The following NAALAD2 variants were observed in gnomAD, a reference collection of about 807,000 sequenced individuals.
NAALAD2 encodes N-acetylated-alpha-linked acidic dipeptidase 2.
In NAALAD2, 89 loss-of-function variants were observed where a neutral mutation model predicts 95.6. The observed-to-expected ratio is 0.93, with a 90% confidence interval of 0.78 to 1.11. The LOEUF (loss-of-function observed/expected upper bound fraction) is 1.11, where lower values mean the gene tolerates loss of function less well. Ranked by LOEUF, NAALAD2 falls within the 50% of genes least tolerant of loss-of-function variation. NAALAD2 has a pLI of 0.00. For missense variants in NAALAD2, 894 were observed against 872.4 expected (o/e 1.02, Z -0.31); for synonymous variants, 264 against 294.4 (o/e 0.90, Z 1.06).
intron 18 of NAALAD2, among the ~76,000 whole-genome samples, chr11:90,188,516 A>G (rs1292211647): frequency 6.6e-6 from 1 of 152,264 alleles, no homozygotes; most frequent in East Asian, 1.9e-4. Context: ...AACCAATTCA[A>G]TGTTTTATGA....
intron 6 of NAALAD2, among the ~76,000 whole-genome samples, chr11:90,154,224 C>G (rs1165803977): frequency 6.6e-6 from 1 of 151,824 alleles, no homozygotes; most frequent in Non-Finnish European, 1.5e-5. Context: ...CTTTTTATTT[C>G]TGTTCCAACA....
intron 18 of NAALAD2, among the ~76,000 whole-genome samples, chr11:90,185,372 C>T (rs1857105489): frequency 6.6e-6 from 1 of 151,364 alleles, no homozygotes; most frequent in Non-Finnish European, 1.5e-5. Flanking sequence ...TATTTTTTTC[C>T]TTAAGAATGT....
chr11:90,187,032 CAAAAG>C (rs1857166677), intron 18 of NAALAD2, among the ~76,000 whole-genome samples: 1 of 151,918 alleles, frequency 6.6e-6, no homozygotes, highest in Non-Finnish European at 1.5e-5. Flanking sequence ...AGACACTTCT[CAAAAG>C]AAGACATTTA....
At chr11:90,160,781 C>T (rs1952271173) in intron 8 of NAALAD2, among the ~76,000 whole-genome samples, 1 of 152,100 alleles carries the variant, frequency 6.6e-6, no homozygotes, top group Admixed American at 6.5e-5. Flanking sequence ...CATAAACATT[C>T]CTAGGTCTAG....
chr11:90,190,909 G>C (rs1857303099), intron 18 of NAALAD2, among the ~76,000 whole-genome samples: 1 of 152,054 alleles, frequency 6.6e-6, no homozygotes, highest in South Asian at 2.1e-4. Flanking sequence ...TTTCTGGAAA[G>C]CAAAATTCTA....
At chr11:90,163,826 C>T in intron 11 of NAALAD2, 2 of 478,010 alleles carry the variant, frequency 4.2e-6, no homozygotes, top group Non-Finnish European at 7.3e-6. Context: ...AGAGTTATTG[C>T]CTCTTGTCAA....
chr11:90,154,838 GTATATACGTATACA>G (rs1951991339), intron 6 of NAALAD2, among the ~76,000 whole-genome samples: 1 of 122,730 alleles, frequency 8.1e-6, no homozygotes, highest in African/African-American at 3.0e-5. Context: ...ATGTTACATA[GTATATACGTATACA>G]TAATATGTAT....
chr11:90,163,825 G>A, intron 11 of NAALAD2: 1 of 485,174 alleles, frequency 2.1e-6, no homozygotes, highest in Non-Finnish European at 3.6e-6. Context: ...CAGAGTTATT[G>A]CCTCTTGTCA....
At chr11:90,153,475 T>C (rs1427659650) in intron 6 of NAALAD2, among the ~76,000 whole-genome samples, 1 of 152,126 alleles carries the variant, frequency 6.6e-6, no homozygotes. Flanking sequence ...AATTCTACAT[T>C]CTAACAGATG....
At chr11:90,183,207 G>A (rs995660955) in intron 18 of NAALAD2, among the ~76,000 whole-genome samples, 199 bp downstream of exon 18, 2 of 152,030 alleles carry the variant, frequency 1.3e-5, no homozygotes, top group Admixed American at 6.6e-5. Flanking sequence ...TTGCTGTGAG[G>A]GAAAATGGTA....
chr11:90,186,073 T>A (rs954409109), intron 18 of NAALAD2, among the ~76,000 whole-genome samples: 1 of 152,000 alleles, frequency 6.6e-6, no homozygotes, highest in African/African-American at 2.4e-5. Context: ...CATGTGCACA[T>A]TGTGCAGGTT....
chr11:90,158,177 G>A lies in NAALAD2; in HGVS notation c.829G>A (p.Val277Met). 1 of 1,610,026 alleles carries A rather than the reference G, an allele frequency of 6.2e-7. No homozygotes were observed. The highest frequency in any genetic ancestry group is 8.5e-7 in the Non-Finnish European group (1 of 1,177,704). Residue 277 changes from valine (V) to methionine (M), a missense_variant, in exon 7 of 19, where the codon GTG (valine) becomes ATG (methionine). Coordinates refer to ENST00000534061, the MANE Select transcript of NAALAD2 (RefSeq NM_005467.4). ...TTTCAGACTTGATGTTGAAGAAGGA[G>A]TGGGAATCCCCCGAATACCTGTACA... is the stretch of plus-strand genomic sequence containing the variant. ...YTFRLDVEEG[V>M]GIPRIPVHPI...
intron 13 of NAALAD2, among the ~76,000 whole-genome samples, chr11:90,173,179 A>G (rs1293205646): frequency 6.6e-6 from 1 of 152,130 alleles, no homozygotes; most frequent in Non-Finnish European, 1.5e-5. Flanking sequence ...GTAAAAATGT[A>G]TATATATACA....
rs1434140793 is a variant in NAALAD2 at position 90,163,324 on chromosome 11, C to T, written c.1090C>T (p.Leu364=). Residue 364 remains leucine, a synonymous_variant, in exon 10 of 19, where the codon CTG becomes TTG. Transcript: ENST00000534061. ...GSVEPDRYVI[L]GGHRDSWVFG... The stretch of plus-strand genomic sequence containing the variant: ...TTATTTTCCAGACAGGTATGTTATT[C>T]TGGGAGGTCACCGGGACTCCTGGGT... The T allele has an allele frequency of 6.2e-7, 1 of 1,613,364 alleles. No individual in the cohort carries two copies. Among genetic ancestry groups the T allele is most frequent in the African/African-American group, 1.3e-5 (1 of 74,864 alleles).
chr11:90,144,361 A>C (rs1186398436), intron 2 of NAALAD2, among the ~76,000 whole-genome samples: 3 of 152,172 alleles, frequency 2.0e-5, no homozygotes, highest in Admixed American at 6.5e-5. Context: ...AAGGCCTCCT[A>C]GCTGAATTTT....
In NAALAD2 at chr11:90,152,373, G is replaced by T; in HGVS notation, c.685G>T (p.Val229Leu). Residue 229 changes from valine to leucine, a missense_variant, in exon 6 of 19, where the codon GTA becomes TTA. Coordinates refer to ENST00000534061, the MANE Select transcript of NAALAD2 (RefSeq NM_005467.4). ...SDPADYFAPEVQPYPKGWNLP... is the reference protein window; with the variant it reads ...SDPADYFAPELQPYPKGWNLP... Reference sequence around the variant, plus strand: ...TCCAGCTGACTACTTTGCTCCTGAGGTACAGCCATATCCCAAAGGATGGAA... The same window carrying T: ...TCCAGCTGACTACTTTGCTCCTGAGTTACAGCCATATCCCAAAGGATGGAA... The T allele has an allele frequency of 6.2e-7, 1 of 1,613,858 alleles. No homozygotes were observed. Among genetic ancestry groups the T allele is most frequent in the Non-Finnish European group, 8.5e-7 (1 of 1,179,844 alleles).
chr11:90,152,293 T>C lies in NAALAD2; in HGVS notation c.610-5T>C. ...TGCATTATGAATTGCACATTGCCCC[T>C]GCAGGTTAAAAATGCCATGTTAGCA... is the stretch of plus-strand genomic sequence containing the variant. On this transcript the variant is annotated splice_polypyrimidine_tract_variant and splice_region_variant and intron_variant, in intron 5 of 18. Coordinates refer to ENST00000534061, the MANE Select transcript of NAALAD2 (RefSeq NM_005467.4). 3 of 1,585,682 alleles carry C rather than the reference T, an allele frequency of 1.9e-6. No homozygotes were observed. Among genetic ancestry groups the C allele is most frequent in the Non-Finnish European group, 2.6e-6 (3 of 1,158,622 alleles).
At chr11:90,140,723 G>C (rs953196473) in intron 2 of NAALAD2, among the ~76,000 whole-genome samples, 3 of 151,920 alleles carry the variant, frequency 2.0e-5, no homozygotes, top group African/African-American at 7.2e-5. Flanking sequence ...ATTTTGATGA[G>C]GTTTAATTTA....
At chr11:90,155,610 CATATAAATTACATATATATTAAT>C (rs1186752030) in intron 6 of NAALAD2, among the ~76,000 whole-genome samples, 2,421 of 93,114 alleles carry the variant, frequency 0.026, 117 homozygotes, top group African/African-American at 0.051. Context: ...ATATATATTA[CATATAAATTACATATATATTAAT>C]ATATATATAA....
Sources: gnomAD v4.1 joint callset for allele counts (sites outside exome capture counted in the v4.1 genomes callset) on GRCh38, gnomAD v4.1.1 for gene constraint, MANE v1.5 for transcripts, NCBI Gene and HGNC (gene_info 2026-07-23, HGNC 2026-07-21) for gene names.